The following ADAMTSL1 variants were observed in gnomAD, a reference collection of about 807,000 sequenced individuals.
ADAMTSL1 encodes the protein ADAMTS-like protein 1.
Under a neutral mutation model 201.8 loss-of-function variants are expected in ADAMTSL1, and 126 were observed. That is an observed-to-expected ratio of 0.62 (90% CI 0.54 to 0.72). The LOEUF is 0.72. Ranked by LOEUF, ADAMTSL1 falls within the 30% of genes least tolerant of loss-of-function variation. ADAMTSL1 has a pLI of 0.00. For missense variants in ADAMTSL1, 2,679 were observed against 2,277.8 expected (o/e 1.18, Z -3.59); for synonymous variants, 1,121 against 903.4 (o/e 1.24, Z -4.32).
chr9:18,100,793 T>C (rs1435281299), intron 1 of ADAMTSL1, among the ~76,000 whole-genome samples: 2 of 152,222 alleles, frequency 1.3e-5, no homozygotes, highest in Non-Finnish European at 1.5e-5. Flanking sequence ...TTCACTGTTA[T>C]TGGATTGGCT....
At chr9:18,782,626 G>T (rs1174735739) in intron 19 of ADAMTSL1, among the ~76,000 whole-genome samples, 1 of 152,284 alleles carries the variant, frequency 6.6e-6, no homozygotes, top group Non-Finnish European at 1.5e-5. Context: ...ACACATAAAA[G>T]TAAGCAAGAA....
At chr9:18,156,486 A>T (rs1191096311) in intron 1 of ADAMTSL1, among the ~76,000 whole-genome samples, 1 of 151,938 alleles carries the variant, frequency 6.6e-6, no homozygotes, top group Non-Finnish European at 1.5e-5. Context: ...GTTGATTTCT[A>T]CCCCTGCATG....
intron 1 of ADAMTSL1, among the ~76,000 whole-genome samples, chr9:18,100,139 C>G (rs1302494658): frequency 6.6e-6 from 1 of 152,014 alleles, no homozygotes; most frequent in Non-Finnish European, 1.5e-5. Context: ...GTTACAGTTT[C>G]AAACTGTTCT....
At chr9:18,441,096 G>T (rs544159600) in intron 2 of ADAMTSL1, among the ~76,000 whole-genome samples, 1 of 152,038 alleles carries the variant, frequency 6.6e-6, no homozygotes, top group Non-Finnish European at 1.5e-5. Flanking sequence ...TATTCCATTT[G>T]TAGTTAATGT....
At chr9:18,301,250 T>A (rs1385507238) in intron 2 of ADAMTSL1, among the ~76,000 whole-genome samples, 1 of 152,152 alleles carries the variant, frequency 6.6e-6, no homozygotes, top group African/African-American at 2.4e-5. Flanking sequence ...AAACAATGCG[T>A]CTTGGAATCA....
intron 3 of ADAMTSL1, 49 bp from the exon 4 acceptor site, chr9:18,573,980 TG>T (rs762410633): frequency 1.3e-5 from 20 of 1,483,312 alleles, no homozygotes; most frequent in Middle Eastern, 1.7e-4. Flanking sequence ...GTTTCATGTT[TG>T]GGGGTATCCT....
At chr9:18,162,991 T>C (rs189380336) in intron 1 of ADAMTSL1, among the ~76,000 whole-genome samples, 2 of 152,172 alleles carry the variant, frequency 1.3e-5, no homozygotes, top group East Asian at 3.9e-4. Flanking sequence ...AACATTGTTA[T>C]CATTCCTGTT....
intron 2 of ADAMTSL1, 106 bp from the exon 3 acceptor site, chr9:18,533,141 A>T: frequency 1.3e-6 from 1 of 770,642 alleles, no homozygotes; most frequent in Admixed American, 2.6e-5. Context: ...TTAGAAGAAA[A>T]GAGAGGCCCT....
chr9:18,136,151 G>T (rs748824769), intron 1 of ADAMTSL1, among the ~76,000 whole-genome samples: 17 of 152,302 alleles, frequency 1.1e-4, no homozygotes, highest in Non-Finnish European at 1.8e-4. Context: ...GAAGTAAGTT[G>T]CATAGTGGTT....
chr9:18,098,413 T>C (rs1289230141), intron 1 of ADAMTSL1, among the ~76,000 whole-genome samples: 1 of 152,200 alleles, frequency 6.6e-6, no homozygotes. Flanking sequence ...ATCTTTAATT[T>C]CTCTTTGCAT....
chr9:18,805,396 T>A (rs2131108391), intron 20 of ADAMTSL1, among the ~76,000 whole-genome samples: 1 of 152,334 alleles, frequency 6.6e-6, no homozygotes, highest in Middle Eastern at 3.4e-3. Flanking sequence ...GCTTTCTGTG[T>A]TTTCTGTATT....
intron 7 of ADAMTSL1, among the ~76,000 whole-genome samples, chr9:18,642,987 AT>A (rs1371204789): frequency 4.6e-5 from 7 of 151,876 alleles, no homozygotes; most frequent in Admixed American, 3.9e-4. Flanking sequence ...TGTTTTTCAA[AT>A]TTTTTTAGAA....
At position 18,186,676 on chromosome 9, in the gene ADAMTSL1, A is replaced by C. The variant is rs144697494; in HGVS notation, c.207+22695A>C. ...GTTTAATGAGATCTGTAGGATGAAA[A>C]GTTTGAGCGGGATCTCTTTCTGTAA... On this transcript the variant is annotated intron_variant, in intron 2 of 29. Coordinates refer to the ADAMTSL1 transcript ENST00000680146. 4.6e-5 allele frequency among the ~76,000 whole-genome samples: 7 copies of C among 152,266 alleles called. 1 individual carries two copies. In the East Asian group the frequency reaches 9.6e-4, roughly 21 times the overall value.
intron 1 of ADAMTSL1, among the ~76,000 whole-genome samples, chr9:18,478,908 C>A (rs1000151447): frequency 6.6e-6 from 1 of 152,156 alleles, no homozygotes; most frequent in Non-Finnish European, 1.5e-5. Context: ...GAGACAAGTG[C>A]GTGTCATTTT....
chr9:18,291,116 G>C (rs758301951), intron 2 of ADAMTSL1, among the ~76,000 whole-genome samples: 6 of 150,924 alleles, frequency 4.0e-5, no homozygotes, highest in Admixed American at 6.7e-5. Context: ...TGAGAGATGA[G>C]ATTTTATCCT....
rs548408819 is a variant in ADAMTSL1, at chr9:18,494,776, C to G, written c.64-10053C>G. ...TCCTCGCTCCAGAAGTGTGATATAA[C>G]ACACATATGCTCAAAATGTGGCATA... On this transcript the variant is annotated intron_variant, in intron 1 of 28. Transcript: ENST00000380548. 2.0e-5 allele frequency among the ~76,000 whole-genome samples: 3 copies of G among 152,302 alleles called. No individual in the cohort carries two copies. In the South Asian group the frequency reaches 6.2e-4, roughly 32 times the overall value.
chr9:18,433,931 G>T (rs1316119691), intron 2 of ADAMTSL1, among the ~76,000 whole-genome samples: 1 of 152,154 alleles, frequency 6.6e-6, no homozygotes, highest in Non-Finnish European at 1.5e-5. Context: ...AATGCTAATT[G>T]CAATTCTCAT....
At chr9:18,200,677 T>A (rs1401380283) in intron 2 of ADAMTSL1, among the ~76,000 whole-genome samples, 1 of 151,996 alleles carries the variant, frequency 6.6e-6, no homozygotes, top group Non-Finnish European at 1.5e-5. Flanking sequence ...TATAAAGTAA[T>A]GTAAATTAAT....
At chr9:18,247,102 G>A (rs917083715) in intron 2 of ADAMTSL1, among the ~76,000 whole-genome samples, 1 of 152,014 alleles carries the variant, frequency 6.6e-6, no homozygotes, top group Non-Finnish European at 1.5e-5. Flanking sequence ...CATGACAAAA[G>A]GGTTAAGAAC....
Sources: allele counts gnomAD v4.1 joint callset (sites outside exome capture counted in the v4.1 genomes callset), GRCh38; gene constraint gnomAD v4.1.1; transcripts MANE v1.5; gene names NCBI Gene and HGNC (gene_info 2026-07-23, HGNC 2026-07-21).